The following AATF variants were observed in gnomAD, a reference collection of about 807,000 sequenced individuals.
AATF encodes the protein apoptosis antagonizing transcription factor, also known as protein AATF.
Under a neutral mutation model 63.7 loss-of-function variants are expected in AATF, and 48 were observed. The observed-to-expected ratio is 0.75, with a 90% CI of 0.60 to 0.96. The LOEUF (loss-of-function observed/expected upper bound fraction) is 0.96, where lower values mean the gene tolerates loss of function less well. AATF is among the 40% of genes least tolerant of loss of function. The probability of loss-of-function intolerance (pLI) is 0.00; values close to 1 mark genes in which losing one functional copy is unlikely to be tolerated. For synonymous variants in AATF, 258 were observed against 247.7 expected, an observed-to-expected ratio of 1.04 and a Z score of -0.39; for missense variants, 639 against 685.7, an observed-to-expected ratio of 0.93 and a Z score of 0.76.
At chr17:37,046,379 G>A (rs2071691114) in intron 11 of AATF, among the ~76,000 whole-genome samples, 1 of 152,098 alleles carries the variant, frequency 6.6e-6, no homozygotes, top group African/African-American at 2.4e-5. Context: ...CTGGGAGAAG[G>A]AAGGCAGAGG....
chr17:36,957,599 G>A lies in AATF; in HGVS notation c.832+3692G>A, dbSNP rs368270276. ...ACAGATTTCCTTATTGCTATACCCA[G>A]CTACTACCTCCTTGAAGCGTTTAAC... On this transcript the variant is annotated intron_variant, in intron 4 of 11. Coordinates refer to ENST00000619387, the MANE Select transcript of AATF (RefSeq NM_012138.4). Among the ~76,000 whole-genome samples the A allele has an allele frequency of 3.7e-4, 57 of 152,300 alleles. No homozygotes were observed. The Middle Eastern group carries it at 0.01, about 27-fold the overall frequency.
intron 4 of AATF, among the ~76,000 whole-genome samples, chr17:36,972,876 T>G (rs995152567): frequency 3.3e-5 from 5 of 152,190 alleles, no homozygotes; most frequent in African/African-American, 1.2e-4. Flanking sequence ...TTTCTGTCTC[T>G]TGGAAGACTC....
At chr17:37,031,456 C>T in intron 10 of AATF, 158 bp from the exon 11 acceptor site, 1 of 655,138 alleles carries the variant, frequency 1.5e-6, no homozygotes. Flanking sequence ...TTGGTCATCC[C>T]AATGACAGTG....
chr17:37,023,244 TAAATG>T (rs2071486395), intron 10 of AATF, among the ~76,000 whole-genome samples: 1 of 152,180 alleles, frequency 6.6e-6, no homozygotes. Context: ...GTATGGGAAT[TAAATG>T]AAATCATGTG....
At chr17:36,985,427 A>G (rs946335284) in intron 4 of AATF, among the ~76,000 whole-genome samples, 1 of 135,336 alleles carries the variant, frequency 7.4e-6, no homozygotes, top group Non-Finnish European at 1.6e-5. Context: ...GGTACGCACC[A>G]CCATGCCTGG....
intron 4 of AATF, among the ~76,000 whole-genome samples, chr17:36,979,063 C>T (rs975144096): frequency 3.9e-5 from 6 of 151,902 alleles, no homozygotes; most frequent in African/African-American, 9.7e-5. Flanking sequence ...CTCTGGCCAC[C>T]GGCAATTAAT....
At chr17:37,050,137 T>A (rs1438137893) in intron 11 of AATF, among the ~76,000 whole-genome samples, 4 of 152,038 alleles carry the variant, frequency 2.6e-5, no homozygotes. Flanking sequence ...GGAATAGTAG[T>A]CAGCCTTACT....
chr17:36,965,972 G>T (rs1179019185), intron 4 of AATF, among the ~76,000 whole-genome samples: 2 of 151,990 alleles, frequency 1.3e-5, no homozygotes. Flanking sequence ...CTAAGTATGG[G>T]TCATTTTTTA....
intron 4 of AATF, among the ~76,000 whole-genome samples, chr17:36,959,084 G>C (rs991175274): frequency 4.6e-5 from 7 of 151,966 alleles, no homozygotes. Flanking sequence ...GGTGGAGGTC[G>C]CAGTGAGGCG....
intron 11 of AATF, among the ~76,000 whole-genome samples, chr17:37,048,689 A>T (rs937467722): frequency 1.3e-5 from 2 of 152,022 alleles, no homozygotes; most frequent in African/African-American, 4.8e-5. Flanking sequence ...CTAAGTTCTA[A>T]TGCATGTCAC....
Position 36,948,972 on chromosome 17 carries a change from C to G in AATF, c.-154C>G, listed in dbSNP as rs1356734422. 4.8e-6 allele frequency: 3 copies of G among 630,024 alleles called. No individual in the cohort carries two copies. In the East Asian group the frequency reaches 9.4e-5, roughly 20 times the overall value. 39.0% of individuals were successfully genotyped at this position (630,024 alleles called of 1,614,324 possible). On this transcript the variant is annotated 5_prime_UTR_variant, in exon 1 of 12. Coordinates refer to ENST00000619387, the MANE Select transcript of AATF (RefSeq NM_012138.4). The stretch of plus-strand genomic sequence containing the variant: ...CTCCCGCGCGCCTCCCGGAAGTGGC[C>G]GGTCCAGAGCTGTGGGGTGGCCTCC...
At chr17:37,013,708 A>G (rs1315479741) in intron 8 of AATF, among the ~76,000 whole-genome samples, 1 of 152,190 alleles carries the variant, frequency 6.6e-6, no homozygotes, top group Non-Finnish European at 1.5e-5. Flanking sequence ...AAATTTCAGC[A>G]TGAGGTTTGG....
intron 4 of AATF, among the ~76,000 whole-genome samples, chr17:36,968,101 G>T (rs547867576): frequency 2.7e-5 from 4 of 150,866 alleles, no homozygotes; most frequent in Admixed American, 2.0e-4. Context: ...TTTCTGGAAG[G>T]CCTATTACTT....
chr17:36,976,973 G>T (rs2142232437), intron 4 of AATF, among the ~76,000 whole-genome samples: 1 of 152,144 alleles, frequency 6.6e-6, no homozygotes, highest in African/African-American at 2.4e-5. Context: ...AAGATAATCG[G>T]GAGTAGCCCG....
intron 11 of AATF, among the ~76,000 whole-genome samples, chr17:37,041,138 T>C (rs1383296690): frequency 6.6e-6 from 1 of 152,204 alleles, no homozygotes; most frequent in Non-Finnish European, 1.5e-5. Context: ...TATAGAATTT[T>C]TTGTGTATGT....
Position 37,031,623 on chromosome 17 carries a change from C to T in AATF, c.1557C>T (p.Val519=). ...TTCCTGCTTTATTTAGGTTTCATGT[C>T]CTTAGCAAGCTACTGAGTTTCATGG... ...ASKGRKLRFH[V]LSKLLSFMAP... Residue 519 remains valine (V), a synonymous_variant, in exon 11 of 12, where the codon GTC becomes GTT. Coordinates refer to ENST00000619387, the MANE Select transcript of AATF (RefSeq NM_012138.4). 1 of 1,614,074 alleles carries T rather than the reference C, an allele frequency of 6.2e-7. No homozygotes were observed. The highest frequency in any genetic ancestry group is 8.5e-7 in the Non-Finnish European group (1 of 1,179,932).
At chr17:37,002,800 T>C (rs2071310949) in intron 8 of AATF, among the ~76,000 whole-genome samples, 1 of 151,950 alleles carries the variant, frequency 6.6e-6, no homozygotes, top group Non-Finnish European at 1.5e-5. Context: ...AATGGAAAGC[T>C]GTCCCATGTC....
chr17:36,983,939 G>A (rs925962638), intron 4 of AATF, among the ~76,000 whole-genome samples: 3 of 152,170 alleles, frequency 2.0e-5, no homozygotes, highest in African/African-American at 7.2e-5. Flanking sequence ...CAGGTAGGTT[G>A]GCTCTCAGGC....
intron 11 of AATF, among the ~76,000 whole-genome samples, chr17:37,037,895 G>A (rs1367453548): frequency 6.6e-6 from 1 of 152,134 alleles, no homozygotes; most frequent in African/African-American, 2.4e-5. Flanking sequence ...TTAGCAGTGT[G>A]TGGCTTCTCC....
Sources: allele counts gnomAD v4.1 joint callset (sites outside exome capture counted in the v4.1 genomes callset), GRCh38; gene constraint gnomAD v4.1.1; transcripts MANE v1.5; gene names NCBI Gene and HGNC (gene_info 2026-07-23, HGNC 2026-07-21).